The following FAM78B variants were observed in gnomAD, a reference collection of about 807,000 sequenced individuals.
The protein encoded by FAM78B is protein FAM78B.
Under a neutral mutation model 20.0 loss-of-function variants are expected in FAM78B, and 10 were observed. The ratio of observed to expected loss-of-function variants is 0.50; its 90% CI spans 0.31 to 0.85. FAM78B has a LOEUF of 0.85. Among genes scored for constraint, FAM78B ranks in the 40% least tolerant of loss-of-function variants. FAM78B has a pLI of 0.05. For missense variants in FAM78B, 283 were observed against 345.0 expected, an observed-to-expected ratio of 0.82 and a Z score of 1.42; for synonymous variants, 135 against 132.8, an observed-to-expected ratio of 1.02 and a Z score of -0.12.
chr1:166,097,258 T>A (rs28718625), intron 1 of FAM78B, among the ~76,000 whole-genome samples: 1 of 151,970 alleles, frequency 6.6e-6, no homozygotes, highest in Non-Finnish European at 1.5e-5. Flanking sequence ...CCTGGCACCA[T>A]AGGGATCCAA....
chr1:166,090,227 A>C (rs1275385235), intron 1 of FAM78B, among the ~76,000 whole-genome samples: 2 of 152,200 alleles, frequency 1.3e-5, no homozygotes, highest in Non-Finnish European at 2.9e-5. Flanking sequence ...AAACTAAGAA[A>C]TGAAAAGTCC....
chr1:166,104,876 A>G (rs2101750696), intron 1 of FAM78B, among the ~76,000 whole-genome samples: 1 of 152,336 alleles, frequency 6.6e-6, no homozygotes, highest in African/African-American at 2.4e-5. Flanking sequence ...TATGGAACTA[A>G]AAAAGAGCCC....
intron 1 of FAM78B, among the ~76,000 whole-genome samples, chr1:166,140,541 C>T (rs1316711956): frequency 6.6e-6 from 1 of 152,232 alleles, no homozygotes; most frequent in Non-Finnish European, 1.5e-5. Context: ...AAGGCACCAT[C>T]ATCTCTGCTT....
intron 1 of FAM78B, among the ~76,000 whole-genome samples, chr1:166,114,451 G>T (rs180791035): frequency 5.9e-5 from 9 of 152,316 alleles, no homozygotes; most frequent in Admixed American, 5.9e-4. Flanking sequence ...CATTTAGAAA[G>T]TTCTGTGTGA....
At chr1:166,153,676 G>A (rs1360115735) in intron 1 of FAM78B, among the ~76,000 whole-genome samples, 1 of 152,174 alleles carries the variant, frequency 6.6e-6, no homozygotes. Flanking sequence ...ACAGGACTAT[G>A]TAAGGGGGAG....
chr1:166,058,743 T>C (rs989419519), exon 3 of FAM78B: 1 of 152,576 alleles, frequency 6.6e-6, no homozygotes, highest in South Asian at 2.1e-4. Context: ...GTAGACAGTG[T>C]GTGCACATGT....
At chr1:166,148,781 T>C (rs1002001260) in intron 1 of FAM78B, among the ~76,000 whole-genome samples, 2 of 152,340 alleles carry the variant, frequency 1.3e-5, no homozygotes, top group Middle Eastern at 6.8e-3. Flanking sequence ...TTCAGCTAGG[T>C]TATTCCTGTA....
intron 1 of FAM78B, among the ~76,000 whole-genome samples, chr1:166,109,890 G>GTATATATGTATATATATATATATA (rs1557903394): frequency 3.0e-4 from 7 of 23,196 alleles, no homozygotes; most frequent in East Asian, 2.0e-3. Context: ...ATGTATATAT[G>GTATATATGTATATATATATATATA]TATATATATA....
chr1:166,070,529 GTC>G lies in FAM78B; in HGVS notation c.496_497del (p.Asp166ProfsTer32). 1 of 1,614,090 alleles carries G rather than the reference GTC, an allele frequency of 6.2e-7. No individual in the cohort carries two copies. Among genetic ancestry groups the G allele is most frequent in the Non-Finnish European group, 8.5e-7 (1 of 1,180,020 alleles). ...NVPLLTRIKR[D>X]QSFTTWLVAM... ...CCACCAGCCAGGTCGTGAAACTTTG[GTC>G]TCTCTTGATTCTTGTGAGCAGTGGC... is the stretch of plus-strand genomic sequence containing the variant. On this transcript the variant is annotated frameshift_variant, in exon 2 of 2. Transcript: ENST00000354422. LOFTEE classifies it high-confidence loss of function.
In FAM78B at chr1:166,166,392, G is replaced by C. The variant is rs1476644715; in HGVS notation, c.-144C>G. On this transcript the variant is annotated 5_prime_UTR_variant, in exon 1 of 2. Coordinates refer to ENST00000354422, the MANE Select transcript of FAM78B (RefSeq NM_001017961.5). Reference sequence around the variant, plus strand: ...TCGCACCTAGGAGCGGGGAGCCGCCGGGCATCCTTGGGGAAGCCCCCTCCT... The same window carrying C: ...TCGCACCTAGGAGCGGGGAGCCGCCCGGCATCCTTGGGGAAGCCCCCTCCT... The C allele has an allele frequency of 2.0e-5, 14 of 685,018 alleles. No homozygotes were observed. The African/African-American group carries it at 2.5e-4, about 12-fold the overall frequency. 42.4% of individuals were successfully genotyped at this position (685,018 alleles called of 1,614,324 possible). A position where few individuals can be genotyped will look rare whatever the true frequency, so the allele number is the denominator to read the frequency against.
At chr1:166,091,839 A>G (rs1013603375) in intron 1 of FAM78B, among the ~76,000 whole-genome samples, 2 of 152,202 alleles carry the variant, frequency 1.3e-5, no homozygotes, top group Non-Finnish European at 2.9e-5. Context: ...TACCTTAAAA[A>G]CAAGGAAACC....
chr1:166,151,275 C>T (rs912741177), intron 1 of FAM78B, among the ~76,000 whole-genome samples: 2 of 152,204 alleles, frequency 1.3e-5, no homozygotes, highest in Non-Finnish European at 2.9e-5. Flanking sequence ...TAACCAGGGG[C>T]ATTTCTGATA....
intron 1 of FAM78B, among the ~76,000 whole-genome samples, chr1:166,106,440 TAAATTA>T (rs1653789625): frequency 1.1e-4 from 16 of 150,812 alleles, no homozygotes; most frequent in Admixed American, 2.6e-4. Context: ...CCCTAAAACT[TAAATTA>T]AAAAAAAAAG....
At chr1:166,145,460 AAG>A (rs1655421035) in intron 1 of FAM78B, among the ~76,000 whole-genome samples, 1 of 152,220 alleles carries the variant, frequency 6.6e-6, no homozygotes, top group South Asian at 2.1e-4. Flanking sequence ...TTCAAAGGGA[AAG>A]AGGGCGTTTT....
At chr1:166,145,222 C>CCATCCCTG (rs1655413835) in intron 1 of FAM78B, among the ~76,000 whole-genome samples, 1 of 152,240 alleles carries the variant, frequency 6.6e-6, no homozygotes, top group Non-Finnish European at 1.5e-5. Context: ...GCAGGAATCA[C>CCATCCCTG]CATCCCTGCC....
At chr1:166,062,852 T>C (rs1274950696) in intron 2 of FAM78B, among the ~76,000 whole-genome samples, 3 of 152,248 alleles carry the variant, frequency 2.0e-5, no homozygotes, top group Admixed American at 6.5e-5. Flanking sequence ...GGATCACGTC[T>C]GTGTGGAATA....
At chr1:166,102,148 C>G (rs906164062) in intron 1 of FAM78B, among the ~76,000 whole-genome samples, 2 of 152,142 alleles carry the variant, frequency 1.3e-5, no homozygotes, top group African/African-American at 2.4e-5. Flanking sequence ...ACTTTACAGA[C>G]AAGCAAATGC....
In FAM78B at chr1:166,070,221, ACAGT is replaced by A. The variant is rs760386891; in HGVS notation, c.*16_*19del. ...TGTCTCAGAGGCGTGTGATCCACACACAGTCAGGCCAGTCTGCTTCTACTTAGGA... is the reference window on the plus strand; with the variant it reads ...TGTCTCAGAGGCGTGTGATCCACACACAGGCCAGTCTGCTTCTACTTAGGA... On this transcript the variant is annotated 3_prime_UTR_variant, in exon 2 of 2. Coordinates refer to ENST00000354422, the MANE Select transcript of FAM78B (RefSeq NM_001017961.5). The A allele has an allele frequency of 2.3e-5, 35 of 1,507,188 alleles. No homozygotes were observed. The highest frequency in any genetic ancestry group is 1.1e-4 in the Admixed American group (5 of 44,470). 93.4% of individuals were successfully genotyped at this position (1,507,188 alleles called of 1,614,324 possible). A position where few individuals can be genotyped will look rare whatever the true frequency, so the allele number is the denominator to read the frequency against.
chr1:166,073,006 C>A (rs765360209), intron 1 of FAM78B, among the ~76,000 whole-genome samples: 1 of 152,132 alleles, frequency 6.6e-6, no homozygotes, highest in Non-Finnish European at 1.5e-5. Flanking sequence ...TAAGACAAAT[C>A]ATAAAACTTA....
Sources: allele counts gnomAD v4.1 joint callset (sites outside exome capture counted in the v4.1 genomes callset), GRCh38; gene constraint gnomAD v4.1.1; transcripts MANE v1.5; gene names NCBI Gene and HGNC (gene_info 2026-07-23, HGNC 2026-07-21).